The following MED13L variants were observed in gnomAD, a reference collection of about 807,000 sequenced individuals.
MED13L encodes mediator complex subunit 13L, also known as mediator of RNA polymerase II transcription subunit 13-like.
MED13L carries 7 observed loss-of-function variants against 220.9 expected under a neutral mutation model. The ratio of observed to expected loss-of-function variants is 0.03; its 90% CI spans 0.02 to 0.06. The LOEUF is 0.06. Among genes scored for constraint, MED13L ranks in the 10% least tolerant of loss-of-function variants. The pLI is 1.00. For missense variants in MED13L, 1,965 were observed against 2,760.5 expected, an observed-to-expected ratio of 0.71 and a Z score of 6.46; for synonymous variants, 1,011 against 1,015.2, an observed-to-expected ratio of 1.00 and a Z score of 0.08.
chr12:116,265,251 T>G (rs1872749495), intron 1 of MED13L, among the ~76,000 whole-genome samples: 2 of 152,234 alleles, frequency 1.3e-5, no homozygotes, highest in Admixed American at 1.3e-4. Flanking sequence ...AGATTGTCTA[T>G]TTAAAGCACA....
intron 2 of MED13L, among the ~76,000 whole-genome samples, chr12:116,225,352 T>C (rs565763198): frequency 7.9e-5 from 12 of 152,308 alleles, no homozygotes; most frequent in South Asian, 2.1e-4. Context: ...GCCTTTACCA[T>C]AGTGATGAGG....
intron 2 of MED13L, among the ~76,000 whole-genome samples, chr12:116,232,416 T>C (rs1375120331): frequency 6.6e-6 from 1 of 152,200 alleles, no homozygotes; most frequent in East Asian, 1.9e-4. Flanking sequence ...ACCCCAAAAA[T>C]TGGCTATTTC....
At chr12:116,193,573 A>C (rs1220875899) in intron 2 of MED13L, among the ~76,000 whole-genome samples, 4 of 151,902 alleles carry the variant, frequency 2.6e-5, no homozygotes, top group African/African-American at 9.7e-5. Flanking sequence ...GCATTGTCAA[A>C]TCTGGTCAAG....
intron 4 of MED13L, among the ~76,000 whole-genome samples, chr12:116,093,892 TTC>T (rs1225449838): frequency 4.6e-5 from 7 of 152,082 alleles, no homozygotes; most frequent in Non-Finnish European, 7.4e-5. Flanking sequence ...TTTAATTCAT[TTC>T]TCTCTCTCAA....
At chr12:116,237,399 G>T in intron 2 of MED13L, 69 bp downstream of exon 2, 1 of 1,235,434 alleles carries the variant, frequency 8.1e-7, no homozygotes, top group Non-Finnish European at 1.2e-6. Context: ...TTAATAATCT[G>T]TTTGAAATTT....
chr12:116,215,953 G>A (rs982893541), intron 2 of MED13L, among the ~76,000 whole-genome samples: 3 of 152,148 alleles, frequency 2.0e-5, no homozygotes, highest in Admixed American at 1.3e-4. Flanking sequence ...TCTACTGAAT[G>A]GTGGTAATGT....
intron 2 of MED13L, among the ~76,000 whole-genome samples, chr12:116,200,713 G>A (rs1881957838): frequency 6.6e-6 from 1 of 152,132 alleles, no homozygotes; most frequent in Non-Finnish European, 1.5e-5. Flanking sequence ...AGACTTCAAA[G>A]ACTCACTGTG....
chr12:115,986,592 G>A (rs1565994720), intron 18 of MED13L, 103 bp from the exon 19 acceptor site: 14 of 1,036,586 alleles, frequency 1.4e-5, no homozygotes, highest in Non-Finnish European at 2.1e-5. Context: ...CATCTGAAAT[G>A]TCACTCCATG....
chr12:116,175,660 T>C (rs1593130482), intron 2 of MED13L, among the ~76,000 whole-genome samples: 1 of 152,084 alleles, frequency 6.6e-6, no homozygotes, highest in African/African-American at 2.4e-5. Flanking sequence ...CAGGACGTCC[T>C]TGATGAGGAC....
chr12:116,034,602 A>T (rs1470245100), intron 4 of MED13L, among the ~76,000 whole-genome samples: 1 of 152,190 alleles, frequency 6.6e-6, no homozygotes, highest in African/African-American at 2.4e-5. Flanking sequence ...GGTGACTAGC[A>T]TAGCAGTCCG....
intron 2 of MED13L, 56 bp downstream of exon 2, chr12:116,237,412 C>T: frequency 7.6e-7 from 1 of 1,324,090 alleles, no homozygotes; most frequent in South Asian, 1.2e-5. Context: ...TGAAATTTAT[C>T]AATGTTCAAA....
intron 2 of MED13L, among the ~76,000 whole-genome samples, chr12:116,180,931 C>CTTT (rs11320330): frequency 8.3e-6 from 1 of 121,124 alleles, no homozygotes; most frequent in Non-Finnish European, 1.8e-5. Context: ...TTCTCTCTCT[C>CTTT]TTTTTTTTTT....
intron 4 of MED13L, among the ~76,000 whole-genome samples, chr12:116,055,869 T>C (rs887125045): frequency 1.3e-5 from 2 of 150,778 alleles, no homozygotes; most frequent in Admixed American, 6.6e-5. Context: ...GACTCCAGCC[T>C]GGGCGACAGT....
chr12:115,978,509 T>G (rs1353348190), intron 23 of MED13L, among the ~76,000 whole-genome samples: 1 of 152,132 alleles, frequency 6.6e-6, no homozygotes, highest in Non-Finnish European at 1.5e-5. Flanking sequence ...TTATTTTTAG[T>G]GGAGACGGGA....
intron 2 of MED13L, among the ~76,000 whole-genome samples, chr12:116,216,020 T>C (rs572385343): frequency 6.6e-6 from 1 of 152,246 alleles, no homozygotes; most frequent in South Asian, 2.1e-4. Flanking sequence ...TTTCAAACTT[T>C]TTTCTTCCTC....
chr12:115,972,420 T>C, intron 25 of MED13L, 184 bp from the exon 26 acceptor site: 1 of 698,190 alleles, frequency 1.4e-6, no homozygotes, highest in Non-Finnish European at 2.4e-6. Context: ...TACACTTCAT[T>C]AACAAAGGAA....
In MED13L at chr12:115,959,460, C is replaced by G. The variant is rs1875626570; in HGVS notation, c.*1806G>C. 6.6e-6 allele frequency: 1 copy of G among 152,482 alleles called. No homozygotes were observed. 9.4% of individuals were successfully genotyped at this position (152,482 alleles called of 1,614,324 possible). On this transcript the variant is annotated 3_prime_UTR_variant, in exon 31 of 31. Transcript: ENST00000281928. ...CAAAGTGGTAAAAGATTACAAATAT[C>G]TACTTTACAATTTGTCTTCTCACCA... is the stretch of plus-strand genomic sequence containing the variant.
Position 116,225,073 on chromosome 12 carries a change from C to T in MED13L, c.310+12395G>A, listed in dbSNP as rs953574039. Among the ~76,000 whole-genome samples the T allele has an allele frequency of 1.6e-4, 24 of 152,260 alleles. 1 individual carries two copies. Among genetic ancestry groups the T allele is most frequent in the African/African-American group, 5.8e-4 (24 of 41,536 alleles). ...ACCATTTGATTGTTATGACATAATA[C>T]TATAATTCTAAATGTGTGGGCAACT... On this transcript the variant is annotated intron_variant, in intron 2 of 30. Transcript: ENST00000281928.
chr12:116,029,803 T>A (rs1880620399), intron 4 of MED13L, among the ~76,000 whole-genome samples: 1 of 152,172 alleles, frequency 6.6e-6, no homozygotes, highest in African/African-American at 2.4e-5. Context: ...TATTTTAACA[T>A]GTTTTCTAGT....
Sources: gnomAD v4.1 joint callset for allele counts (sites outside exome capture counted in the v4.1 genomes callset) on GRCh38, gnomAD v4.1.1 for gene constraint, MANE v1.5 for transcripts, NCBI Gene and HGNC (gene_info 2026-07-23, HGNC 2026-07-21) for gene names.